GSPT1: variants seen among roughly 807,000 people sequenced by gnomAD.
The protein encoded by GSPT1 is eukaryotic peptide chain release factor GTP-binding subunit ERF3A.
In GSPT1, 20 loss-of-function variants were observed where a neutral mutation model predicts 72.5. That is an observed-to-expected ratio of 0.28 (90% CI 0.19 to 0.40). The LOEUF (loss-of-function observed/expected upper bound fraction) is 0.40. Ranked by LOEUF, GSPT1 falls within the 10% of genes least tolerant of loss-of-function variation. The probability of loss-of-function intolerance (pLI) is 1.00; values close to 1 mark genes in which losing one functional copy is unlikely to be tolerated. For synonymous variants in GSPT1, 334 were observed against 293.5 expected, an observed-to-expected ratio of 1.14 and a Z score of -1.41; for missense variants, 580 against 811.9, an observed-to-expected ratio of 0.71 and a Z score of 3.47.
intron 11 of GSPT1, chr16:11,881,225 C>T (rs552199057): frequency 6.6e-6 from 1 of 152,312 alleles, no homozygotes; most frequent in East Asian, 1.9e-4. Flanking sequence ...TATTCTAGCT[C>T]TGTTCCACTG....
chr16:11,892,086 G>A (rs897626117), intron 5 of GSPT1, among the ~76,000 whole-genome samples: 3 of 151,768 alleles, frequency 2.0e-5, no homozygotes, highest in African/African-American at 4.8e-5. Flanking sequence ...GCTCATGCCC[G>A]TAATCCCAGC....
intron 1 of GSPT1, chr16:11,915,049 GCC>G: frequency 7.7e-7 from 1 of 1,291,128 alleles, no homozygotes; most frequent in South Asian, 1.2e-5. Flanking sequence ...ATCCGCCGCG[GCC>G]CCCACTCCGT....
At chr16:11,874,454 C>CTTTTTTTTT (rs200991035) in intron 14 of GSPT1, among the ~76,000 whole-genome samples, 1 of 95,932 alleles carries the variant, frequency 1.0e-5, no homozygotes, top group Non-Finnish European at 2.0e-5. Flanking sequence ...GCCAAGTTAG[C>CTTTTTTTTT]TTTTTTTTTT....
At chr16:11,886,357 A>G (rs2054186628) in intron 9 of GSPT1, 114 bp downstream of exon 9, 1 of 629,096 alleles carries the variant, frequency 1.6e-6, no homozygotes, top group East Asian at 2.8e-5. Context: ...AATTACTTAT[A>G]AAGATATATG....
chr16:11,888,417 G>A (rs752110562), intron 6 of GSPT1, among the ~76,000 whole-genome samples: 20 of 150,944 alleles, frequency 1.3e-4, no homozygotes, highest in Non-Finnish European at 8.8e-5. Flanking sequence ...AGCCAAGATC[G>A]TGCCATCGCA....
Position 11,915,672 on chromosome 16 carries a change from T to G in GSPT1, c.49A>C (p.Ser17Arg). 2 of 1,420,862 alleles carry G rather than the reference T, an allele frequency of 1.4e-6. No individual in the cohort carries two copies. Among genetic ancestry groups the G allele is most frequent in the African/African-American group, 3.3e-5 (2 of 60,016 alleles). 88.0% of individuals were successfully genotyped at this position (1,420,862 alleles called of 1,614,324 possible). A position where few individuals can be genotyped will look rare whatever the true frequency, so the allele number is the denominator to read the frequency against. The part of the protein sequence containing the change: ...GGGGGGGGGG[S>R]SSGSSSSDSA... ...TCGCTGCTGCTGCTGCCGCTGCTGC[T>G]CCCGCCGCCGCCGCCGCCGCCGCCG... is the stretch of plus-strand genomic sequence containing the variant. Residue 17 changes from serine to arginine, a missense_variant, in exon 1 of 15, where the codon AGC (serine) becomes CGC (arginine). Ser to Arg is a moderately radical substitution (Grantham distance 110, BLOSUM62 -1). This residue lies in a region of GSPT1 where 327 missense variants were observed against 298.8 expected (regional missense o/e 1.09). Coordinates refer to ENST00000434724, the MANE Select transcript of GSPT1 (RefSeq NM_002094.4).
chr16:11,906,467 C>CA (rs1013876028), intron 1 of GSPT1, among the ~76,000 whole-genome samples: 30 of 150,552 alleles, frequency 2.0e-4, no homozygotes, highest in African/African-American at 4.6e-4. Context: ...TCTGTCTCTA[C>CA]AAAAAAAAAT....
At chr16:11,916,073 C>T (rs567776963), upstream of GSPT1, 8 of 548,040 alleles carry the variant, frequency 1.5e-5, no homozygotes, top group East Asian at 9.8e-5. Context: ...TTCTGGCCGC[C>T]CCCGTTTCCG....
At position 11,915,371 on chromosome 16, in the gene GSPT1, G is replaced by T. The variant is rs1407840539; in HGVS notation, c.350C>A (p.Ala117Glu). 6 of 1,480,480 alleles carry T rather than the reference G, an allele frequency of 4.1e-6. No individual in the cohort carries two copies. Among genetic ancestry groups the T allele is most frequent in the Non-Finnish European group, 5.4e-6 (6 of 1,120,608 alleles). 91.7% of individuals were successfully genotyped at this position (1,480,480 alleles called of 1,614,324 possible). A position where few individuals can be genotyped will look rare whatever the true frequency, so the allele number is the denominator to read the frequency against. Residue 117 changes from alanine to glutamate, a missense_variant and splice_region_variant, in exon 1 of 15, where the codon GCG becomes GAG. Ala to Glu is a moderately radical substitution (Grantham distance 107). Transcript: ENST00000434724. The stretch of plus-strand genomic sequence containing the variant: ...CCTCCCGCGTCCCGGGCCTTTACCC[G>T]CACGGCCTCCCGCGCCGCTGCCGGC... ...HGAGSGAGGRAAPVESSQEEQ... is the reference protein window; with the variant it reads ...HGAGSGAGGREAPVESSQEEQ...
intron 6 of GSPT1, among the ~76,000 whole-genome samples, chr16:11,889,629 C>A (rs1352866819): frequency 6.6e-6 from 1 of 150,632 alleles, no homozygotes; most frequent in African/African-American, 2.4e-5. Flanking sequence ...TGCCTCAGCC[C>A]CCCGAGTAGC....
In GSPT1 at chr16:11,898,631, A is replaced by G. The variant is rs572967463; in HGVS notation, c.353-596T>C. On this transcript the variant is annotated intron_variant, in intron 1 of 14. Coordinates refer to ENST00000434724, the MANE Select transcript of GSPT1 (RefSeq NM_002094.4). ...CATGCCCGGCTAATTTTGTATTTTT[A>G]GTAGAGATGGGGTTTCGCCACGTTG... 3.9e-5 allele frequency among the ~76,000 whole-genome samples: 6 copies of G among 152,058 alleles called. No individual in the cohort carries two copies. In the South Asian group the frequency reaches 8.3e-4, roughly 21 times the overall value.
intron 4 of GSPT1, among the ~76,000 whole-genome samples, chr16:11,896,278 T>A (rs919974917): frequency 6.6e-6 from 1 of 152,202 alleles, no homozygotes; most frequent in East Asian, 1.9e-4. Flanking sequence ...TATAATACTA[T>A]GCTGAACTAC....
In GSPT1 at chr16:11,915,891, C is replaced by T. The variant is rs774048702; in HGVS notation, c.-171G>A. On this transcript the variant is annotated 5_prime_UTR_variant, in exon 1 of 15. Coordinates refer to ENST00000434724, the MANE Select transcript of GSPT1 (RefSeq NM_002094.4). ...GCGGCAGCAGCTCCAGTCCCGACTC[C>T]ACACTCGCGACGACGACAGAGGCGG... 4.1e-6 allele frequency: 4 copies of T among 967,962 alleles called. No individual in the cohort carries two copies. The highest frequency in any genetic ancestry group is 2.5e-5 in the East Asian group (1 of 40,462). 60.0% of individuals were successfully genotyped at this position (967,962 alleles called of 1,614,324 possible).
At chr16:11,903,647 C>A (rs769668949) in intron 1 of GSPT1, among the ~76,000 whole-genome samples, 1 of 152,184 alleles carries the variant, frequency 6.6e-6, no homozygotes, top group Non-Finnish European at 1.5e-5. Flanking sequence ...ACCAAGATCG[C>A]ACCACTGCAC....
At chr16:11,876,657 C>T (rs1437706198) in intron 12 of GSPT1, among the ~76,000 whole-genome samples, 1 of 152,082 alleles carries the variant, frequency 6.6e-6, no homozygotes, top group Non-Finnish European at 1.5e-5. Flanking sequence ...GCAGGACAAT[C>T]GCTTGAATCC....
intron 10 of GSPT1, among the ~76,000 whole-genome samples, chr16:11,883,646 G>A (rs951330175): frequency 4.6e-4 from 69 of 151,332 alleles, no homozygotes; most frequent in Non-Finnish European, 8.4e-4. Context: ...TGGGCTCAGT[G>A]GCTCACGCCT....
rs577913340 is a variant in GSPT1, at chr16:11,872,765, GA to G, written c.*353del. The stretch of plus-strand genomic sequence containing the variant: ...CACACTCAGAATGATCTGCCTGGGG[GA>G]AAAATACTAAATATGCCTAAGGGGA... On this transcript the variant is annotated 3_prime_UTR_variant, in exon 15 of 15. Coordinates refer to ENST00000434724, the MANE Select transcript of GSPT1 (RefSeq NM_002094.4). 16 of 191,610 alleles carry G rather than the reference GA, an allele frequency of 8.4e-5. No individual in the cohort carries two copies. The South Asian group carries it at 2.6e-3, about 31-fold the overall frequency. The allele number at this position is 191,610 out of a possible 1,614,324, so 11.9% of individuals were successfully genotyped here. A position where few individuals can be genotyped will look rare whatever the true frequency, so the allele number is the denominator to read the frequency against.
rs760814803 is a variant in GSPT1 at position 11,896,528 on chromosome 16, G to A, written c.664+30C>T. The A allele has an allele frequency of 1.6e-5, 20 of 1,231,172 alleles. No individual in the cohort carries two copies. In the Admixed American group the frequency reaches 2.4e-4, roughly 14 times the overall value. The allele number at this position is 1,231,172 out of a possible 1,614,324, so 76.3% of individuals were successfully genotyped here. Reference sequence around the variant, plus strand: ...GGATGTTCTATGTTTTATGTATCCAGTAACTTTAATTGCTATGAGAGCAGC... The same window carrying A: ...GGATGTTCTATGTTTTATGTATCCAATAACTTTAATTGCTATGAGAGCAGC... On this transcript the variant is annotated intron_variant, in intron 4 of 14. Transcript: ENST00000434724.
At chr16:11,901,736 G>A (rs1261608004) in intron 1 of GSPT1, among the ~76,000 whole-genome samples, 3 of 151,630 alleles carry the variant, frequency 2.0e-5, no homozygotes, top group African/African-American at 7.3e-5. Context: ...AGGTCGCAGT[G>A]AGCCAAGATT....
Sources: allele counts gnomAD v4.1 joint callset (sites outside exome capture counted in the v4.1 genomes callset), GRCh38; gene constraint gnomAD v4.1.1; regional missense constraint gnomAD v4.1.1; transcripts MANE v1.5; gene names NCBI Gene and HGNC (gene_info 2026-07-23, HGNC 2026-07-21).